PPM1L: variants seen among roughly 807,000 people sequenced by gnomAD.
The protein encoded by PPM1L is protein phosphatase 1L.
PPM1L carries 13 observed loss-of-function variants against 31.4 expected under a neutral mutation model. That is an observed-to-expected ratio of 0.41 (90% CI 0.27 to 0.66). The LOEUF (loss-of-function observed/expected upper bound fraction) is 0.66, where lower values mean the gene tolerates loss of function less well. Among genes scored for constraint, PPM1L ranks in the 30% least tolerant of loss-of-function variants. The pLI is 0.29. For missense variants in PPM1L, 326 were observed against 453.7 expected, an observed-to-expected ratio of 0.72 and a Z score of 2.56; for synonymous variants, 184 against 175.4, an observed-to-expected ratio of 1.05 and a Z score of -0.39.
At chr3:160,780,059 C>T (rs1166690806) in intron 1 of PPM1L, among the ~76,000 whole-genome samples, 1 of 151,702 alleles carries the variant, frequency 6.6e-6, no homozygotes, top group Non-Finnish European at 1.5e-5. Flanking sequence ...CTCATTCCTC[C>T]ATTGCCCAGG....
intron 1 of PPM1L, among the ~76,000 whole-genome samples, chr3:160,957,651 C>T (rs1249669635): frequency 6.6e-6 from 1 of 150,536 alleles, no homozygotes; most frequent in Non-Finnish European, 1.5e-5. Context: ...AATGGCGGCT[C>T]ACTGCAAGCT....
intron 1 of PPM1L, among the ~76,000 whole-genome samples, chr3:160,906,629 A>AAGAAAAGAAAAGAAC (rs1553820142): frequency 0.044 from 6,222 of 142,012 alleles, 269 homozygotes; most frequent in Admixed American, 0.092. Context: ...AAGAAAAGAA[A>AAGAAAAGAAAAGAAC]AGAACCCAGG....
In PPM1L at chr3:160,872,654, C is replaced by T. The variant is rs185229051; in HGVS notation, c.400-89082C>T. Among the ~76,000 whole-genome samples the T allele has an allele frequency of 2.7e-3, 407 of 152,260 alleles. 2 individuals carry two copies. Among genetic ancestry groups the T allele is most frequent in the African/African-American group, 9.4e-3 (391 of 41,552 alleles). ...TATATAAAGATATTAGGGCTGGGCGCGGTGGCTTACGTCTGTAATCCCAGC... is the reference window on the plus strand; with the variant it reads ...TATATAAAGATATTAGGGCTGGGCGTGGTGGCTTACGTCTGTAATCCCAGC... On this transcript the variant is annotated intron_variant, in intron 1 of 3. Coordinates refer to ENST00000498165, the MANE Select transcript of PPM1L (RefSeq NM_139245.4).
intron 2 of PPM1L, among the ~76,000 whole-genome samples, chr3:161,005,981 TA>T (rs147938515): frequency 2.0e-5 from 3 of 151,500 alleles, no homozygotes; most frequent in African/African-American, 7.3e-5. Flanking sequence ...TAAAAAAACA[TA>T]AAAAAATACA....
At chr3:160,851,080 G>A (rs1234871109) in intron 1 of PPM1L, among the ~76,000 whole-genome samples, 1 of 151,980 alleles carries the variant, frequency 6.6e-6, no homozygotes, top group African/African-American at 2.4e-5. Flanking sequence ...TGTCACAAAA[G>A]ATTTGAAATA....
intron 2 of PPM1L, among the ~76,000 whole-genome samples, chr3:160,977,825 A>G (rs187603840): frequency 2.4e-3 from 358 of 152,302 alleles, no homozygotes; most frequent in African/African-American, 8.3e-3. Flanking sequence ...AGAGAAACCT[A>G]ATGACTTATA....
intron 1 of PPM1L, among the ~76,000 whole-genome samples, chr3:160,872,963 T>C (rs114056197): frequency 0.01 from 1,577 of 152,284 alleles, 26 homozygotes; most frequent in African/African-American, 0.036. Flanking sequence ...TTATACTGTT[T>C]ATGATGTGAG....
At chr3:161,036,576 G>A (rs1718748108) in intron 2 of PPM1L, among the ~76,000 whole-genome samples, 1 of 152,174 alleles carries the variant, frequency 6.6e-6, no homozygotes, top group Admixed American at 6.5e-5. Context: ...TCAGTAATTG[G>A]TAAATTTTAT....
intron 2 of PPM1L, among the ~76,000 whole-genome samples, chr3:161,051,267 G>A (rs1719268742): frequency 6.6e-6 from 1 of 152,086 alleles, no homozygotes; most frequent in Non-Finnish European, 1.5e-5. Flanking sequence ...TGCCTTGCGG[G>A]TAAGGACTAT....
intron 1 of PPM1L, among the ~76,000 whole-genome samples, chr3:160,856,422 T>C (rs1560127989): frequency 1.3e-5 from 2 of 152,208 alleles, no homozygotes; most frequent in East Asian, 1.9e-4. Flanking sequence ...CCATCAACCA[T>C]GGACTGGATA....
At chr3:160,907,844 G>T (rs1027238774) in intron 1 of PPM1L, among the ~76,000 whole-genome samples, 2 of 152,128 alleles carry the variant, frequency 1.3e-5, no homozygotes, top group African/African-American at 2.4e-5. Context: ...GCTGCTTGTG[G>T]TCTGTCAGGG....
intron 1 of PPM1L, among the ~76,000 whole-genome samples, chr3:160,839,262 G>GCTACGCGTGAGTA: frequency 6.6e-6 from 1 of 152,216 alleles, no homozygotes; most frequent in African/African-American, 2.4e-5. Flanking sequence ...CAAACTCACT[G>GCTACGCGTGAGTA]TTTTTACTTA....
At chr3:161,034,316 A>G (rs1020326604) in intron 2 of PPM1L, among the ~76,000 whole-genome samples, 1 of 152,218 alleles carries the variant, frequency 6.6e-6, no homozygotes, top group East Asian at 1.9e-4. Context: ...CAGAATTACC[A>G]TTTGACCCAG....
At chr3:160,833,527 T>C (rs1713588272) in intron 1 of PPM1L, among the ~76,000 whole-genome samples, 1 of 152,200 alleles carries the variant, frequency 6.6e-6, no homozygotes, top group Admixed American at 6.5e-5. Flanking sequence ...TCTCTAATGA[T>C]CAGTGATGTT....
chr3:161,006,575 CT>C (rs1559921736), intron 2 of PPM1L, among the ~76,000 whole-genome samples: 1 of 151,448 alleles, frequency 6.6e-6, no homozygotes, highest in Non-Finnish European at 1.5e-5. Context: ...AGGTGAAAAA[CT>C]TTTTTTAATA....
intron 1 of PPM1L, among the ~76,000 whole-genome samples, chr3:160,804,708 T>G (rs1412519841): frequency 6.6e-6 from 1 of 152,230 alleles, no homozygotes; most frequent in Non-Finnish European, 1.5e-5. Context: ...GATAACTATG[T>G]TTGTGAAATG....
intron 1 of PPM1L, among the ~76,000 whole-genome samples, chr3:160,922,786 C>A (rs1452002263): frequency 6.6e-6 from 1 of 152,100 alleles, no homozygotes; most frequent in Non-Finnish European, 1.5e-5. Context: ...AAACTTTTGT[C>A]TTTTTAAGGA....
At chr3:160,837,599 C>T (rs1713758383) in intron 1 of PPM1L, among the ~76,000 whole-genome samples, 1 of 152,148 alleles carries the variant, frequency 6.6e-6, no homozygotes, top group Non-Finnish European at 1.5e-5. Context: ...TGCTGTACAT[C>T]TTGTCAGGAA....
chr3:160,796,234 C>T (rs1712244572), intron 1 of PPM1L, among the ~76,000 whole-genome samples: 2 of 152,212 alleles, frequency 1.3e-5, no homozygotes, highest in Admixed American at 6.5e-5. Flanking sequence ...CCTCCATCAT[C>T]ACCTCCTTTT....
Sources: allele counts gnomAD v4.1 joint callset (sites outside exome capture counted in the v4.1 genomes callset), GRCh38; gene constraint gnomAD v4.1.1; transcripts MANE v1.5; gene names NCBI Gene and HGNC (gene_info 2026-07-23, HGNC 2026-07-21).